Variants in RAB31 observed in about 807,000 individuals in gnomAD.
RAB31 encodes the protein RAB31, member RAS oncogene family, also known as ras-related protein Rab-31.
In RAB31, 21 loss-of-function variants were observed where a neutral mutation model predicts 25.6. That is an observed-to-expected ratio of 0.82 (90% CI 0.58 to 1.18). The LOEUF is 1.18. Among genes scored for constraint, RAB31 ranks in the 50% most tolerant of loss-of-function variants. RAB31 has a pLI of 0.00. For synonymous variants in RAB31, 87 were observed against 84.0 expected (o/e 1.04, Z -0.20); for missense variants, 196 against 250.1 (o/e 0.78, Z 1.46).
intron 1 of RAB31, among the ~76,000 whole-genome samples, chr18:9,764,386 GGAGAGA>G (rs1156736767): frequency 1.3e-5 from 2 of 152,214 alleles, no homozygotes; most frequent in Non-Finnish European, 1.5e-5. Flanking sequence ...CGTGCCTCCT[GGAGAGA>G]TGGTTTGGCT....
intron 1 of RAB31, among the ~76,000 whole-genome samples, chr18:9,712,883 T>C (rs141885876): frequency 6.6e-6 from 1 of 152,370 alleles, no homozygotes; most frequent in East Asian, 1.9e-4. Flanking sequence ...ATGGCTTCCC[T>C]GCTTCTGGTA....
At chr18:9,764,797 A>G (rs961665660) in intron 1 of RAB31, among the ~76,000 whole-genome samples, 11 of 152,108 alleles carry the variant, frequency 7.2e-5, no homozygotes, top group Admixed American at 2.6e-4. Context: ...ATGCTCATTA[A>G]TGTCCACGGG....
At chr18:9,720,981 C>G (rs542756570) in intron 1 of RAB31, among the ~76,000 whole-genome samples, 1 of 152,078 alleles carries the variant, frequency 6.6e-6, no homozygotes, top group Non-Finnish European at 1.5e-5. Flanking sequence ...GCAGGTCGTT[C>G]TCTGGGGTCC....
intron 1 of RAB31, among the ~76,000 whole-genome samples, chr18:9,748,768 G>C (rs1024514447): frequency 2.0e-5 from 3 of 152,012 alleles, no homozygotes; most frequent in African/African-American, 7.3e-5. Flanking sequence ...GCATGTGCCT[G>C]TAATCCCAGC....
intron 1 of RAB31, among the ~76,000 whole-genome samples, chr18:9,742,335 C>A (rs746225315): frequency 6.6e-6 from 1 of 152,162 alleles, no homozygotes; most frequent in South Asian, 2.1e-4. Flanking sequence ...CAGGGAAGTT[C>A]CTGGCAGGAA....
chr18:9,773,707 T>C (rs2145489987), intron 1 of RAB31, among the ~76,000 whole-genome samples: 1 of 152,302 alleles, frequency 6.6e-6, no homozygotes, highest in East Asian at 1.9e-4. Flanking sequence ...TCACCCAGGC[T>C]GAGTGCAGTG....
chr18:9,792,004 G>A (rs1329716939), intron 2 of RAB31, 150 bp from the exon 3 acceptor site: 2 of 994,112 alleles, frequency 2.0e-6, no homozygotes, highest in Middle Eastern at 3.0e-4. Flanking sequence ...TGGGTGTCAT[G>A]AGTCTTCTAG....
intron 1 of RAB31, among the ~76,000 whole-genome samples, chr18:9,749,196 G>A (rs1207108134): frequency 6.6e-6 from 1 of 152,188 alleles, no homozygotes; most frequent in Non-Finnish European, 1.5e-5. Flanking sequence ...TTAAGTGGCT[G>A]CATCATCACG....
intron 3 of RAB31, among the ~76,000 whole-genome samples, chr18:9,798,756 C>T (rs1362909857): frequency 2.0e-5 from 3 of 149,762 alleles, no homozygotes; most frequent in Admixed American, 6.7e-5. Context: ...GTAGCTGAGA[C>T]TACCAGTGTA....
intron 1 of RAB31, among the ~76,000 whole-genome samples, chr18:9,719,322 TATATATAAATAA>T (rs1198259605): frequency 0.014 from 1,028 of 75,674 alleles, 88 homozygotes; most frequent in African/African-American, 0.036. Context: ...TATATATATA[TATATATAAATAA>T]ATAAATTTGA....
intron 5 of RAB31, among the ~76,000 whole-genome samples, chr18:9,824,385 T>A (rs1026049221): frequency 6.6e-6 from 1 of 151,340 alleles, no homozygotes; most frequent in Non-Finnish European, 1.5e-5. Flanking sequence ...GATGTGTATG[T>A]GTGTGTGTAG....
chr18:9,734,108 G>GGGAGGGAGGGAGGGAGGA (rs1349264534), intron 1 of RAB31, among the ~76,000 whole-genome samples: 1 of 136,720 alleles, frequency 7.3e-6, no homozygotes, highest in Non-Finnish European at 1.6e-5. Context: ...GGGGAGGAGG[G>GGGAGGGAGGGAGGGAGGA]AGGGAGGGAG....
chr18:9,845,012 T>G (rs2068753704), intron 5 of RAB31, among the ~76,000 whole-genome samples: 1 of 152,126 alleles, frequency 6.6e-6, no homozygotes, highest in African/African-American at 2.4e-5. Flanking sequence ...TAATTGTTCA[T>G]TTAAATAGAG....
chr18:9,820,856 G>A (rs1365887829), intron 5 of RAB31, among the ~76,000 whole-genome samples: 1 of 151,898 alleles, frequency 6.6e-6, no homozygotes, highest in African/African-American at 2.4e-5. Context: ...AGTGTTTTTG[G>A]TTTATTTCTT....
chr18:9,848,112 T>G (rs1290834859), intron 6 of RAB31, among the ~76,000 whole-genome samples: 1 of 152,342 alleles, frequency 6.6e-6, no homozygotes, highest in African/African-American at 2.4e-5. Flanking sequence ...TTTATTATAC[T>G]TTGGTTGTAA....
intron 2 of RAB31, among the ~76,000 whole-genome samples, chr18:9,783,481 G>T (rs2298505): frequency 6.6e-6 from 1 of 152,114 alleles, no homozygotes; most frequent in Non-Finnish European, 1.5e-5. Context: ...ACTTTTTAAG[G>T]GTAGTAGGGT....
chr18:9,788,058 C>G (rs1204492116), intron 2 of RAB31, among the ~76,000 whole-genome samples: 1 of 152,160 alleles, frequency 6.6e-6, no homozygotes, highest in African/African-American at 2.4e-5. Flanking sequence ...CAGTTAACTT[C>G]AGGTTATGAA....
intron 5 of RAB31, among the ~76,000 whole-genome samples, chr18:9,842,686 C>T (rs583059): frequency 0.7 from 107,060 of 151,962 alleles, 37,850 homozygotes; most frequent in South Asian, 0.8. Flanking sequence ...GTTTGAAACA[C>T]TTTGAGCCCC....
At chr18:9,794,188 T>C (rs184747692) in intron 3 of RAB31, among the ~76,000 whole-genome samples, 6 of 152,330 alleles carry the variant, frequency 3.9e-5, no homozygotes, top group Admixed American at 1.3e-4. Context: ...AGCTACCATT[T>C]GGGGCCTTAA....
Sources: gnomAD v4.1 joint callset for allele counts (sites outside exome capture counted in the v4.1 genomes callset) on GRCh38, gnomAD v4.1.1 for gene constraint, MANE v1.5 for transcripts, NCBI Gene and HGNC (gene_info 2026-07-23, HGNC 2026-07-21) for gene names.